Variants in GABBR2 observed in about 807,000 individuals in gnomAD.
The protein encoded by GABBR2 is gamma-aminobutyric acid type B receptor subunit 2, also known as G-protein coupled receptor 51.
A neutral mutation model predicts 105.6 loss-of-function variants in GABBR2; 23 were observed. The observed-to-expected ratio is 0.22, with a 90% CI of 0.16 to 0.31. The LOEUF (loss-of-function observed/expected upper bound fraction) is 0.31. Ranked by LOEUF, GABBR2 falls within the 10% of genes least tolerant of loss-of-function variation. The probability of loss-of-function intolerance (pLI) is 1.00; values close to 1 mark genes in which losing one functional copy is unlikely to be tolerated. For missense variants in GABBR2, 734 were observed against 1,245.5 expected (o/e 0.59, Z 6.18); for synonymous variants, 478 against 499.7 (o/e 0.96, Z 0.58).
At chr9:98,458,952 C>T (rs1826374599) in intron 6 of GABBR2, among the ~76,000 whole-genome samples, 1 of 152,208 alleles carries the variant, frequency 6.6e-6, no homozygotes, top group East Asian at 1.9e-4. Flanking sequence ...TATTGGGAAG[C>T]TCACTATGCC....
intron 3 of GABBR2, among the ~76,000 whole-genome samples, chr9:98,541,025 C>T (rs1468280896): frequency 6.6e-6 from 1 of 152,088 alleles, no homozygotes; most frequent in African/African-American, 2.4e-5. Context: ...AGTCTACTGC[C>T]AAGACGCACA....
chr9:98,636,101 A>C (rs566592082), intron 1 of GABBR2, among the ~76,000 whole-genome samples: 14 of 152,286 alleles, frequency 9.2e-5, no homozygotes, highest in African/African-American at 3.1e-4. Flanking sequence ...CATTATGAAA[A>C]ATGATGTGGG....
chr9:98,307,557 G>A (rs1830570815), intron 14 of GABBR2, among the ~76,000 whole-genome samples: 1 of 152,302 alleles, frequency 6.6e-6, no homozygotes, highest in Middle Eastern at 3.4e-3. Flanking sequence ...TGTGTTTAGA[G>A]ATTCGATGGC....
At chr9:98,294,668 G>A (rs530195445) in intron 17 of GABBR2, among the ~76,000 whole-genome samples, 1 of 152,070 alleles carries the variant, frequency 6.6e-6, no homozygotes, top group Admixed American at 6.5e-5. Context: ...AGTAGAGATG[G>A]GGTTTCACCA....
chr9:98,570,329 T>G (rs1828812709), intron 2 of GABBR2, among the ~76,000 whole-genome samples: 1 of 152,238 alleles, frequency 6.6e-6, no homozygotes, highest in Non-Finnish European at 1.5e-5. Context: ...GGCTGCCTTT[T>G]AAAGGACAAG....
At chr9:98,645,707 C>A (rs971798816) in intron 1 of GABBR2, among the ~76,000 whole-genome samples, 1 of 152,140 alleles carries the variant, frequency 6.6e-6, no homozygotes, top group Non-Finnish European at 1.5e-5. Flanking sequence ...GAGTACAGTT[C>A]CTTTGGGAAC....
At chr9:98,485,188 G>A (rs1827017610) in intron 4 of GABBR2, among the ~76,000 whole-genome samples, 1 of 152,194 alleles carries the variant, frequency 6.6e-6, no homozygotes, top group African/African-American at 2.4e-5. Flanking sequence ...AGATGGCCAG[G>A]TCTAGGGTTG....
At chr9:98,607,957 T>C in intron 1 of GABBR2, 1 of 1,331,232 alleles carries the variant, frequency 7.5e-7, no homozygotes, top group South Asian at 1.3e-5. Context: ...GAAGCTGAGC[T>C]CCAGCGGCAC....
intron 6 of GABBR2, among the ~76,000 whole-genome samples, chr9:98,456,985 T>C (rs1260123179): frequency 6.6e-6 from 1 of 152,248 alleles, no homozygotes; most frequent in Non-Finnish European, 1.5e-5. Flanking sequence ...TCCTTGTTAT[T>C]TTTCCATCTT....
chr9:98,431,178 G>A (rs1285727748), intron 7 of GABBR2, among the ~76,000 whole-genome samples: 1 of 151,846 alleles, frequency 6.6e-6, no homozygotes, highest in Non-Finnish European at 1.5e-5. Flanking sequence ...GCCTTCTCTG[G>A]CCAGCCTGTT....
chr9:98,517,989 G>A (rs553677033), intron 3 of GABBR2, among the ~76,000 whole-genome samples: 36 of 152,250 alleles, frequency 2.4e-4, no homozygotes, highest in African/African-American at 8.4e-4. Context: ...TAGGAGTTAG[G>A]GAGCCTATGG....
chr9:98,463,625 C>G (rs941705856), intron 6 of GABBR2, among the ~76,000 whole-genome samples: 1 of 151,856 alleles, frequency 6.6e-6, no homozygotes, highest in Non-Finnish European at 1.5e-5. Context: ...CTCTCGCTCT[C>G]CGTCTCGCTC....
chr9:98,500,564 C>G (rs1449571110), intron 3 of GABBR2, among the ~76,000 whole-genome samples: 1 of 152,204 alleles, frequency 6.6e-6, no homozygotes, highest in African/African-American at 2.4e-5. Flanking sequence ...GAAAACTCTC[C>G]CTGTTTCTGG....
At chr9:98,639,781 G>A (rs1829934639) in intron 1 of GABBR2, among the ~76,000 whole-genome samples, 1 of 151,974 alleles carries the variant, frequency 6.6e-6, no homozygotes, top group East Asian at 1.9e-4. Context: ...CCAGCTGCCA[G>A]CTCCAAGGGT....
chr9:98,621,857 G>A (rs1011191669), intron 1 of GABBR2, among the ~76,000 whole-genome samples: 1 of 152,178 alleles, frequency 6.6e-6, no homozygotes, highest in Non-Finnish European at 1.5e-5. Flanking sequence ...AGGAATGGAA[G>A]TGTATCTATA....
chr9:98,567,595 G>A (rs576385959), intron 2 of GABBR2, among the ~76,000 whole-genome samples: 2 of 152,248 alleles, frequency 1.3e-5, no homozygotes, highest in South Asian at 4.2e-4. Flanking sequence ...TCACAGTTGC[G>A]GTAACATCAC....
At chr9:98,622,692 C>T (rs1207852425) in intron 1 of GABBR2, among the ~76,000 whole-genome samples, 1 of 152,158 alleles carries the variant, frequency 6.6e-6, no homozygotes, top group African/African-American at 2.4e-5. Context: ...GCAGTGCCCC[C>T]CCAGCCCCAT....
intron 1 of GABBR2, among the ~76,000 whole-genome samples, chr9:98,693,735 A>G (rs1588285815): frequency 2.0e-5 from 3 of 152,354 alleles, no homozygotes; most frequent in South Asian, 2.1e-4. Flanking sequence ...ACACCTTGCC[A>G]CTATCCAGGT....
At chr9:98,379,015 C>A (rs189917403) in intron 11 of GABBR2, among the ~76,000 whole-genome samples, 2,029 of 152,310 alleles carry the variant, frequency 0.013, 22 homozygotes, top group Middle Eastern at 0.027. Flanking sequence ...GCTTCTTAGG[C>A]CAGATTCCAA....
Sources: allele counts gnomAD v4.1 joint callset (sites outside exome capture counted in the v4.1 genomes callset), GRCh38; gene constraint gnomAD v4.1.1; transcripts MANE v1.5; gene names NCBI Gene and HGNC (gene_info 2026-07-23, HGNC 2026-07-21).